Variants in ZNHIT6 observed in about 807,000 individuals in gnomAD.
The protein encoded by ZNHIT6 is zinc finger HIT-type containing 6, also known as box C/D snoRNA protein 1.
Under a neutral mutation model 57.2 loss-of-function variants are expected in ZNHIT6, and 45 were observed. That is an observed-to-expected ratio of 0.79 (90% CI 0.62 to 1.01). ZNHIT6 has a LOEUF of 1.01. ZNHIT6 is among the 50% of genes least tolerant of loss of function. The probability of loss-of-function intolerance (pLI) is 0.00; values close to 1 mark genes in which losing one functional copy is unlikely to be tolerated. For missense variants in ZNHIT6, 528 were observed against 567.3 expected, an observed-to-expected ratio of 0.93 and a Z score of 0.70; for synonymous variants, 188 against 190.0, an observed-to-expected ratio of 0.99 and a Z score of 0.09.
At chr1:85,662,771 G>C (rs1661261239) in intron 8 of ZNHIT6, among the ~76,000 whole-genome samples, 1 of 152,138 alleles carries the variant, frequency 6.6e-6, no homozygotes, top group Admixed American at 6.5e-5. Flanking sequence ...TTGACATGGA[G>C]AGTAGATCAT....
chr1:85,702,279 C>G lies in ZNHIT6; in HGVS notation c.916-19G>C, dbSNP rs1256620959. On this transcript the variant is annotated intron_variant, in intron 4 of 9. Coordinates refer to ENST00000370574, the MANE Select transcript of ZNHIT6 (RefSeq NM_017953.4). ...AGTACATCTAACAACAAAAACCAAA[C>G]AGACAAATTAATTTTTAAATTCCTT... The G allele has an allele frequency of 2.9e-6, 4 of 1,388,140 alleles. No individual in the cohort carries two copies. The Admixed American group carries it at 8.4e-5, about 29-fold the overall frequency. The allele number at this position is 1,388,140 out of a possible 1,614,324, so 86.0% of individuals were successfully genotyped here.
chr1:85,676,822 G>C (rs1039549934), intron 8 of ZNHIT6, among the ~76,000 whole-genome samples: 4 of 152,176 alleles, frequency 2.6e-5, no homozygotes, highest in African/African-American at 9.7e-5. Context: ...TTGAAATATT[G>C]CAAGAAATAC....
intron 5 of ZNHIT6, among the ~76,000 whole-genome samples, chr1:85,688,094 T>C (rs1662117047): frequency 1.3e-5 from 2 of 151,604 alleles, no homozygotes; most frequent in Admixed American, 1.3e-4. Flanking sequence ...ACCAGTAAAC[T>C]GTTTTACCAG....
chr1:85,692,591 C>T (rs180767664), intron 5 of ZNHIT6, among the ~76,000 whole-genome samples: 1 of 152,270 alleles, frequency 6.6e-6, no homozygotes, highest in Admixed American at 6.5e-5. Flanking sequence ...AAGCTCACAG[C>T]AAAATCCACT....
chr1:85,678,635 A>C (rs1397911479), intron 7 of ZNHIT6, 66 bp downstream of exon 7: 4 of 1,061,402 alleles, frequency 3.8e-6, no homozygotes, highest in Non-Finnish European at 5.7e-6. Flanking sequence ...ATAGTCATGG[A>C]TGACCCTAAT....
intron 5 of ZNHIT6, among the ~76,000 whole-genome samples, chr1:85,691,870 G>C (rs931302326): frequency 1.3e-5 from 2 of 152,088 alleles, no homozygotes; most frequent in African/African-American, 4.8e-5. Context: ...GGGTGACAGA[G>C]TAAGACTCTG....
chr1:85,668,413 C>T (rs923817712), intron 8 of ZNHIT6, among the ~76,000 whole-genome samples: 2 of 152,082 alleles, frequency 1.3e-5, no homozygotes, highest in African/African-American at 4.8e-5. Flanking sequence ...TTTACGTAAT[C>T]CCATCTAGAG....
At chr1:85,671,888 T>G (rs766681853) in intron 8 of ZNHIT6, among the ~76,000 whole-genome samples, 15 of 152,212 alleles carry the variant, frequency 9.9e-5, no homozygotes, top group Non-Finnish European at 1.8e-4. Context: ...TGATTTGGTT[T>G]AGGCTTAGGA....
intron 5 of ZNHIT6, among the ~76,000 whole-genome samples, chr1:85,692,922 T>A (rs917274344): frequency 6.6e-6 from 1 of 152,188 alleles, no homozygotes; most frequent in African/African-American, 2.4e-5. Context: ...GGACACCTAG[T>A]GGCTTGCTTC....
intron 6 of ZNHIT6, 87 bp from the exon 7 acceptor site, chr1:85,678,868 G>T: frequency 1.4e-6 from 1 of 719,284 alleles, no homozygotes; most frequent in Non-Finnish European, 2.1e-6. Context: ...AAATATTGTG[G>T]CTTTTTTGGT....
rs1325248729 is a variant in ZNHIT6, at chr1:85,707,726, CCTT to C, written c.556_558del (p.Lys186del). 1 of 1,612,980 alleles carries C rather than the reference CCTT, an allele frequency of 6.2e-7. No individual in the cohort carries two copies. The highest frequency in any genetic ancestry group is 1.1e-5 in the South Asian group (1 of 90,832). ...TCCACGATTTCTTTCTTCAGGAAAT[CCTT>C]CTCTTCTTTTACACACTCTCCATGC... On this transcript the variant is annotated inframe_deletion, in exon 1 of 10. Transcript: ENST00000370574.
chr1:85,670,011 G>T (rs1661507467), intron 8 of ZNHIT6, among the ~76,000 whole-genome samples: 1 of 152,132 alleles, frequency 6.6e-6, no homozygotes, highest in Non-Finnish European at 1.5e-5. Context: ...GCCTGACCCT[G>T]AGCAGGTACT....
At chr1:85,657,616 T>A (rs1661096550) in intron 9 of ZNHIT6, among the ~76,000 whole-genome samples, 1 of 152,098 alleles carries the variant, frequency 6.6e-6, no homozygotes, top group Non-Finnish European at 1.5e-5. Flanking sequence ...TTTATAGCCA[T>A]TCAATTTGAT....
chr1:85,678,268 CTT>C (rs777198041), intron 7 of ZNHIT6, among the ~76,000 whole-genome samples: 1 of 152,052 alleles, frequency 6.6e-6, no homozygotes, highest in Non-Finnish European at 1.5e-5. Flanking sequence ...TACTTGGAAA[CTT>C]TTCATTTTCA....
Position 85,708,399 on chromosome 1 carries a change from A to T in ZNHIT6, c.-115T>A. ...CGGCGGCCCACGTGTGGAGCCAAGC[A>T]GCCACAAACCCGGAATAGCCTGCTT... On this transcript the variant is annotated 5_prime_UTR_variant, in exon 1 of 10. Transcript: ENST00000370574. 1.5e-6 allele frequency: 2 copies of T among 1,351,838 alleles called. No homozygotes were observed. Among genetic ancestry groups the T allele is most frequent in the Non-Finnish European group, 2.0e-6 (2 of 1,007,276 alleles). 83.7% of individuals were successfully genotyped at this position (1,351,838 alleles called of 1,614,324 possible).
rs1662364602 is a variant in ZNHIT6, at chr1:85,696,173, G to A, written c.1019+5984C>T. Among the ~76,000 whole-genome samples, 4 of 131,996 alleles carry A rather than the reference G, an allele frequency of 3.0e-5. 1 individual carries two copies. The Admixed American group carries it at 3.1e-4, about 10-fold the overall frequency. The allele number at this position is 131,996 out of a possible 152,430, so 86.6% of individuals were successfully genotyped here. A position where few individuals can be genotyped will look rare whatever the true frequency, so the allele number is the denominator to read the frequency against. On this transcript the variant is annotated intron_variant, in intron 5 of 9. Transcript: ENST00000370574. ...CCAAATAATCGCTAATTTATTAACTGCATTTTTTTTTTTTTTTTAGAGACA... is the reference window on the plus strand; with the variant it reads ...CCAAATAATCGCTAATTTATTAACTACATTTTTTTTTTTTTTTTAGAGACA...
intron 8 of ZNHIT6, among the ~76,000 whole-genome samples, chr1:85,675,834 C>A (rs1426702767): frequency 6.6e-6 from 1 of 152,198 alleles, no homozygotes; most frequent in African/African-American, 2.4e-5. Context: ...ACATAACCCA[C>A]AGGTTATAGA....
intron 5 of ZNHIT6, among the ~76,000 whole-genome samples, chr1:85,692,248 G>C (rs72946671): frequency 0.011 from 1,691 of 152,180 alleles, 27 homozygotes; most frequent in African/African-American, 0.037. Flanking sequence ...CTGGGAAAAG[G>C]CTTCCTTAAC....
chr1:85,696,516 C>A (rs921655970), intron 5 of ZNHIT6, among the ~76,000 whole-genome samples: 2 of 151,972 alleles, frequency 1.3e-5, no homozygotes, highest in African/African-American at 4.8e-5. Context: ...TAGGTTGGTG[C>A]CAGTTTTTAC....
Sources: allele counts gnomAD v4.1 joint callset (sites outside exome capture counted in the v4.1 genomes callset), GRCh38; gene constraint gnomAD v4.1.1; transcripts MANE v1.5; gene names NCBI Gene and HGNC (gene_info 2026-07-23, HGNC 2026-07-21).